Variants in ANKRD42 observed in about 807,000 individuals in gnomAD.
ANKRD42 encodes the protein ankyrin repeat domain-containing protein 42.
A neutral mutation model predicts 51.5 loss-of-function variants in ANKRD42; 43 were observed. The ratio of observed to expected loss-of-function variants is 0.83; its 90% CI spans 0.65 to 1.08. The LOEUF is 1.08. ANKRD42 is among the 50% of genes least tolerant of loss of function. The pLI is 0.00. For synonymous variants in ANKRD42, 203 were observed against 213.0 expected (o/e 0.95, Z 0.41); for missense variants, 608 against 629.3 (o/e 0.97, Z 0.36).
At chr11:83,257,060 A>G (rs1863786503), downstream of ANKRD42, among the ~76,000 whole-genome samples, 1 of 152,212 alleles carries the variant, frequency 6.6e-6, no homozygotes, top group East Asian at 1.9e-4. Context: ...CAGAAGAACT[A>G]AAAATAGTGA....
chr11:83,194,153 G>A lies in ANKRD42; in HGVS notation c.-518G>A, dbSNP rs1301765986. On this transcript the variant is annotated 5_prime_UTR_variant, in exon 1 of 11. Transcript: ENST00000533342. The stretch of plus-strand genomic sequence containing the variant: ...AGGGGAGACAGCACCTTCTGCAGCA[G>A]CGACGTGAATTTTAGTGAAGTTGGA... The A allele has an allele frequency of 2.2e-6, 1 of 456,868 alleles. No homozygotes were observed. The highest frequency in any genetic ancestry group is 2.0e-5 in the African/African-American group (1 of 50,108). The allele number at this position is 456,868 out of a possible 1,614,324, so 28.3% of individuals were successfully genotyped here. A position where few individuals can be genotyped will look rare whatever the true frequency, so the allele number is the denominator to read the frequency against.
At position 83,198,098 on chromosome 11, in the gene ANKRD42, A is replaced by C. The variant is rs555209419; in HGVS notation, c.59-381A>C. ...CTCATTCTTTGGCTAGTATGTACTC[A>C]ACCTCTGGCAAGTCATCAACATTAC... On this transcript the variant is annotated intron_variant, in intron 1 of 10. Transcript: ENST00000533342. Among the ~76,000 whole-genome samples the C allele has an allele frequency of 3.3e-5, 5 of 152,210 alleles. No homozygotes were observed. The South Asian group carries it at 1.0e-3, about 32-fold the overall frequency.
chr11:83,212,769 C>A, intron 5 of ANKRD42: 1 of 1,520,220 alleles, frequency 6.6e-7, no homozygotes, highest in Non-Finnish European at 8.8e-7. Flanking sequence ...CACTACTGTC[C>A]AGGATCATTT....
chr11:83,228,448 T>C (rs1301919906), intron 7 of ANKRD42, among the ~76,000 whole-genome samples: 1 of 151,968 alleles, frequency 6.6e-6, no homozygotes, highest in Non-Finnish European at 1.5e-5. Flanking sequence ...CAGGCTGATC[T>C]TGAACTCCTG....
intron 7 of ANKRD42, among the ~76,000 whole-genome samples, chr11:83,233,372 A>G (rs981984332): frequency 1.3e-5 from 2 of 152,096 alleles, no homozygotes; most frequent in Non-Finnish European, 2.9e-5. Flanking sequence ...TTATTGGTAT[A>G]TAGTTACTCA....
chr11:83,256,943 T>G (rs1413646334), downstream of ANKRD42, among the ~76,000 whole-genome samples: 1 of 152,180 alleles, frequency 6.6e-6, no homozygotes, highest in South Asian at 2.1e-4. Flanking sequence ...ACCTACCTCA[T>G]ATGGCTGTCA....
downstream of ANKRD42, chr11:83,257,245 TG>T (rs1390480184): frequency 8.9e-6 from 4 of 451,524 alleles, no homozygotes; most frequent in Admixed American, 7.2e-5. Flanking sequence ...GTCCAGAGGG[TG>T]GGAAGTCTGG....
At chr11:83,225,161 T>C (rs1212570010) in intron 6 of ANKRD42, 106 bp downstream of exon 6, 2 of 887,412 alleles carry the variant, frequency 2.3e-6, no homozygotes, top group Non-Finnish European at 1.6e-6. Flanking sequence ...GCAAATGTTA[T>C]ATACGTTATA....
intron 5 of ANKRD42, chr11:83,214,923 C>G (rs1018165021): frequency 6.6e-6 from 1 of 152,212 alleles, no homozygotes; most frequent in Non-Finnish European, 1.5e-5. Context: ...TCAATCTACT[C>G]TCTATCTTCA....
intron 2 of ANKRD42, among the ~76,000 whole-genome samples, chr11:83,203,941 C>CT (rs1861967447): frequency 6.6e-6 from 1 of 152,076 alleles, no homozygotes; most frequent in Non-Finnish European, 1.5e-5. Context: ...TCTCTTCTCT[C>CT]TTCTCTCTTT....
intron 1 of ANKRD42, among the ~76,000 whole-genome samples, chr11:83,197,299 G>A (rs1252011071): frequency 6.6e-6 from 1 of 151,774 alleles, no homozygotes; most frequent in Non-Finnish European, 1.5e-5. Context: ...ATGTGTTGGC[G>A]GAAAAAAAAT....
At chr11:83,260,207 A>G (rs764215807), downstream of ANKRD42, 2 of 152,316 alleles carry the variant, frequency 1.3e-5, no homozygotes, top group East Asian at 1.9e-4. Context: ...TAACAAACCA[A>G]TAATTTACTT....
intron 5 of ANKRD42, among the ~76,000 whole-genome samples, chr11:83,211,865 A>G (rs568434189): frequency 7.4e-4 from 113 of 152,250 alleles, no homozygotes; most frequent in South Asian, 1.2e-3. Flanking sequence ...ACGAAGTAGT[A>G]TATATGTTGA....
chr11:83,262,194 C>T (rs936153747), downstream of ANKRD42, among the ~76,000 whole-genome samples: 15 of 152,114 alleles, frequency 9.9e-5, no homozygotes, highest in African/African-American at 3.6e-4. Flanking sequence ...TAAATTATGT[C>T]ATTTAGAAAC....
chr11:83,227,631 G>A (rs988387274), intron 6 of ANKRD42, 116 bp from the exon 7 acceptor site: 7 of 1,069,540 alleles, frequency 6.5e-6, no homozygotes, highest in African/African-American at 1.6e-5. Flanking sequence ...GAACTCATCC[G>A]ATTACAACAG....
intron 3 of ANKRD42, chr11:83,209,323 T>C (rs1374438404): frequency 5.8e-6 from 5 of 869,424 alleles, no homozygotes; most frequent in Non-Finnish European, 9.5e-6. Context: ...GAGGCCAAAG[T>C]GGGTGGGAGT....
At chr11:83,245,409 A>T (rs1863513867) in intron 9 of ANKRD42, 89 bp from the exon 10 acceptor site, 1 of 1,384,370 alleles carries the variant, frequency 7.2e-7, no homozygotes, top group African/African-American at 1.5e-5. Context: ...ACTAGTCTAG[A>T]GGAAGAATAT....
At chr11:83,200,973 GTTTCT>G (rs1049841937) in intron 2 of ANKRD42, among the ~76,000 whole-genome samples, 13 of 151,938 alleles carry the variant, frequency 8.6e-5, no homozygotes, top group South Asian at 2.1e-4. Context: ...TGCACATGCT[GTTTCT>G]TTTCTTTTCT....
At chr11:83,243,134 C>G (rs571891175) in intron 9 of ANKRD42, among the ~76,000 whole-genome samples, 1 of 152,300 alleles carries the variant, frequency 6.6e-6, no homozygotes, top group Admixed American at 6.5e-5. Context: ...TCCCCAGCAT[C>G]TGTTGTTTTT....
Sources: allele counts gnomAD v4.1 joint callset (sites outside exome capture counted in the v4.1 genomes callset), GRCh38; gene constraint gnomAD v4.1.1; transcripts MANE v1.5; gene names NCBI Gene and HGNC (gene_info 2026-07-23, HGNC 2026-07-21).